Variants in DLG2 observed in about 807,000 individuals in gnomAD.
DLG2 encodes disks large homolog 2.
DLG2 carries 45 observed loss-of-function variants against 132.5 expected under a neutral mutation model. The observed-to-expected ratio is 0.34, with a 90% CI of 0.27 to 0.44. The LOEUF is 0.44. Ranked by LOEUF, DLG2 falls within the 20% of genes least tolerant of loss-of-function variation. DLG2 has a pLI of 1.00. For synonymous variants in DLG2, 424 were observed against 419.6 expected (o/e 1.01, Z -0.13); for missense variants, 1,045 against 1,196.9 (o/e 0.87, Z 1.87).
intron 7 of DLG2, among the ~76,000 whole-genome samples, chr11:84,508,458 A>G (rs2099248298): frequency 7.0e-6 from 1 of 142,208 alleles, no homozygotes; most frequent in African/African-American, 2.7e-5. Flanking sequence ...GCTGGAGTGC[A>G]GTGGCGCAAT....
chr11:84,049,292 T>C (rs1443485672), intron 11 of DLG2, among the ~76,000 whole-genome samples: 2 of 151,988 alleles, frequency 1.3e-5, no homozygotes, highest in East Asian at 1.9e-4. Context: ...ACATCAGTTA[T>C]ACAATAAAGT....
intron 16 of DLG2, among the ~76,000 whole-genome samples, chr11:83,842,912 G>C (rs185668929): frequency 6.6e-6 from 1 of 152,192 alleles, no homozygotes; most frequent in East Asian, 1.9e-4. Context: ...GCGTCTGGGG[G>C]CTTGGGAAGT....
At chr11:84,922,877 G>A (rs1316051674) in intron 6 of DLG2, among the ~76,000 whole-genome samples, 1 of 148,072 alleles carries the variant, frequency 6.8e-6, no homozygotes, top group Non-Finnish European at 1.5e-5. Flanking sequence ...TAAACCTGAA[G>A]GTCACTTCAC....
chr11:84,397,414 A>G (rs1342867900), intron 7 of DLG2, among the ~76,000 whole-genome samples: 1 of 152,222 alleles, frequency 6.6e-6, no homozygotes, highest in African/African-American at 2.4e-5. Flanking sequence ...CCCACAGATG[A>G]TGAATTCTCT....
At chr11:84,002,974 A>G (rs1214550450) in intron 11 of DLG2, among the ~76,000 whole-genome samples, 1 of 152,152 alleles carries the variant, frequency 6.6e-6, no homozygotes, top group Non-Finnish European at 1.5e-5. Context: ...GTAAAACTCA[A>G]TGCTTTTAAG....
In DLG2 at chr11:84,535,481, T is replaced by A. The variant is rs1405702092; in HGVS notation, c.358-750A>T. 2.6e-5 allele frequency among the ~76,000 whole-genome samples: 4 copies of A among 152,302 alleles called. No homozygotes were observed. The South Asian group carries it at 8.3e-4, about 32-fold the overall frequency. On this transcript the variant is annotated intron_variant, in intron 6 of 27. Coordinates refer to ENST00000376104, the MANE Select transcript of DLG2 (RefSeq NM_001142699.3). ...TTCCCTTTTCCTCTTTTCTTAACCA[T>A]CTTGCTTACACATGACTGTACCAGT...
intron 7 of DLG2, among the ~76,000 whole-genome samples, chr11:84,370,049 G>C (rs944518428): frequency 1.3e-5 from 2 of 152,110 alleles, no homozygotes; most frequent in Non-Finnish European, 2.9e-5. Flanking sequence ...ATGCTGAAGA[G>C]AGAGGGTATT....
chr11:85,159,560 G>C (rs536880696), intron 4 of DLG2, among the ~76,000 whole-genome samples: 1 of 152,340 alleles, frequency 6.6e-6, no homozygotes, highest in East Asian at 1.9e-4. Flanking sequence ...TATTTGGCCT[G>C]TGCAGAAGAC....
At chr11:84,772,246 A>ACTATC (rs1416634840) in intron 6 of DLG2, among the ~76,000 whole-genome samples, 1 of 152,170 alleles carries the variant, frequency 6.6e-6, no homozygotes, top group Non-Finnish European at 1.5e-5. Context: ...ATATATGCTA[A>ACTATC]CTATCCTAAA....
chr11:84,368,775 TATA>T (rs774817116), intron 7 of DLG2, among the ~76,000 whole-genome samples: 6 of 152,160 alleles, frequency 3.9e-5, no homozygotes, highest in African/African-American at 7.2e-5. Flanking sequence ...AGTTCTGCTT[TATA>T]ATAAGTACTC....
chr11:83,702,930 G>A (rs573512994), intron 18 of DLG2, among the ~76,000 whole-genome samples: 1 of 152,316 alleles, frequency 6.6e-6, no homozygotes, highest in South Asian at 2.1e-4. Flanking sequence ...ATACTCTGAT[G>A]GTAAGGAATT....
chr11:84,270,374 G>A (rs905168122), intron 7 of DLG2, among the ~76,000 whole-genome samples: 14 of 152,138 alleles, frequency 9.2e-5, no homozygotes, highest in African/African-American at 3.4e-4. Context: ...TTTACATCTT[G>A]TTAACTCTAG....
intron 12 of DLG2, among the ~76,000 whole-genome samples, chr11:83,968,791 G>T (rs1028990254): frequency 2.6e-5 from 4 of 152,078 alleles, no homozygotes; most frequent in Non-Finnish European, 2.9e-5. Context: ...TAACCACTCA[G>T]CTATACTACT....
intron 6 of DLG2, among the ~76,000 whole-genome samples, chr11:84,762,913 C>T (rs1166303906): frequency 6.6e-6 from 1 of 152,102 alleles, no homozygotes; most frequent in Non-Finnish European, 1.5e-5. Context: ...AACCAAGACA[C>T]AGATGCATGG....
intron 14 of DLG2, among the ~76,000 whole-genome samples, chr11:83,938,350 G>A (rs974488332): frequency 6.6e-6 from 1 of 152,048 alleles, no homozygotes; most frequent in African/African-American, 2.4e-5. Context: ...AGGTTTGAAA[G>A]AGGGTGAAAG....
intron 6 of DLG2, among the ~76,000 whole-genome samples, chr11:84,670,103 A>C (rs1166487497): frequency 6.6e-6 from 1 of 152,172 alleles, no homozygotes; most frequent in Non-Finnish European, 1.5e-5. Context: ...ATCCAAAGAA[A>C]TGAAGACTTC....
intron 3 of DLG2, among the ~76,000 whole-genome samples, chr11:85,570,317 A>G (rs1481318830): frequency 1.3e-5 from 2 of 152,176 alleles, no homozygotes; most frequent in Non-Finnish European, 2.9e-5. Context: ...TCTATGGTCT[A>G]TCCTCAAGAA....
intron 3 of DLG2, among the ~76,000 whole-genome samples, chr11:85,481,026 C>CTTAGG (rs1329643113): frequency 6.6e-6 from 1 of 152,214 alleles, no homozygotes; most frequent in East Asian, 1.9e-4. Flanking sequence ...ACTTATTCAA[C>CTTAGG]TTATCTCAGC....
At chr11:84,161,701 A>T (rs2095549653) in intron 9 of DLG2, among the ~76,000 whole-genome samples, 1 of 152,192 alleles carries the variant, frequency 6.6e-6, no homozygotes, top group South Asian at 2.1e-4. Flanking sequence ...ATAAGGAAAA[A>T]GGAGAAGGCT....
Sources: allele counts gnomAD v4.1 joint callset (sites outside exome capture counted in the v4.1 genomes callset), GRCh38; gene constraint gnomAD v4.1.1; transcripts MANE v1.5; gene names NCBI Gene and HGNC (gene_info 2026-07-23, HGNC 2026-07-21).